Variants in PLCD1 observed in about 807,000 individuals in gnomAD.
PLCD1 encodes 1-phosphatidylinositol 4,5-bisphosphate phosphodiesterase delta-1.
Under a neutral mutation model 87.4 loss-of-function variants are expected in PLCD1, and 71 were observed. That is an observed-to-expected ratio of 0.81 (90% CI 0.67 to 0.99). PLCD1 has a LOEUF of 0.99. PLCD1 is among the 50% of genes least tolerant of loss of function. The pLI is 0.00. For missense variants in PLCD1, 867 were observed against 1,001.5 expected (o/e 0.87, Z 1.81); for synonymous variants, 348 against 399.2 (o/e 0.87, Z 1.53).
In PLCD1 at chr3:38,008,098, G is replaced by C; in HGVS notation, c.2101C>G (p.Arg701Gly). 6.2e-7 allele frequency: 1 copy of C among 1,614,106 alleles called. No individual in the cohort carries two copies. Among genetic ancestry groups the C allele is most frequent in the Non-Finnish European group, 8.5e-7 (1 of 1,180,006 alleles). ...EVVVPDLALI[R>G]FLVEDYDASS... Reference sequence around the variant, plus strand: ...GCATCATAATCTTCCACCAAGAAGCGGATGAGGGCAAGGTCAGGCACAACT... The same window carrying C: ...GCATCATAATCTTCCACCAAGAAGCCGATGAGGGCAAGGTCAGGCACAACT... The change falls in exon 14 of 15, where the codon CGC (arginine) becomes GGC (glycine). Residue 701 changes from arginine to glycine, a missense_variant. Arg to Gly is a moderately radical substitution (Grantham distance 125). Coordinates refer to ENST00000334661, the MANE Select transcript of PLCD1 (RefSeq NM_006225.4).
At position 38,008,033 on chromosome 3, in the gene PLCD1, G is replaced by A; in HGVS notation, c.2166C>T (p.Pro722=). The change falls in exon 14 of 15, where the codon CCC becomes CCT. Residue 722 remains proline (P), a synonymous_variant. Transcript: ENST00000334661. ...ACTCACCTTGCTTGAGGCTGTTCAA[G>A]GGGATGGTACTCTGGCCAATGAAGT... ...KNDFIGQSTI[P]LNSLKQGYRH... The A allele has an allele frequency of 6.2e-7, 1 of 1,614,224 alleles. No homozygotes were observed. Among genetic ancestry groups the A allele is most frequent in the South Asian group, 1.1e-5 (1 of 91,084 alleles).
At position 38,025,592 on chromosome 3, in the gene PLCD1, G is replaced by A. The variant is rs972524312; in HGVS notation, c.34+3914C>T. Among the ~76,000 whole-genome samples, 1 of 152,200 alleles carries A rather than the reference G, an allele frequency of 6.6e-6. No individual in the cohort carries two copies. Among genetic ancestry groups the A allele is most frequent in the Non-Finnish European group, 1.5e-5 (1 of 68,042 alleles). On this transcript the variant is annotated intron_variant, in intron 1 of 14. Transcript: ENST00000334661. The surrounding 1 kb of genome is among the most constrained non-coding windows in gnomAD (Gnocchi z 4.0). ...CCAAAGTGATAATCCCCAAGGTGAC[G>A]GATGCAAACGAAATTCTTGAAAAAA...
In PLCD1 at chr3:38,025,282, G is replaced by A. The variant is rs1380650309; in HGVS notation, c.34+4224C>T. Among the ~76,000 whole-genome samples, 3 of 152,236 alleles carry A rather than the reference G, an allele frequency of 2.0e-5. No homozygotes were observed. Among genetic ancestry groups the A allele is most frequent in the African/African-American group, 7.2e-5 (3 of 41,460 alleles). ...GCAGTGTGGGCGGGGTCTGACCAAG[G>A]AGCCGGAGCGGCGAATTCTAACGCC... On this transcript the variant is annotated intron_variant, in intron 1 of 14. Coordinates refer to ENST00000334661, the MANE Select transcript of PLCD1 (RefSeq NM_006225.4). The surrounding 1 kb of genome is among the most constrained non-coding windows in gnomAD (Gnocchi z 4.0).
At chr3:38,022,520 A>T (rs759539899) in intron 1 of PLCD1, among the ~76,000 whole-genome samples, 2 of 152,234 alleles carry the variant, frequency 1.3e-5, no homozygotes, top group Non-Finnish European at 2.9e-5. Flanking sequence ...GCTGGGAGCC[A>T]GGAAGTAGAA....
chr3:38,024,506 A>C (rs780971337), intron 1 of PLCD1: 1 of 1,546,054 alleles, frequency 6.5e-7, no homozygotes, highest in East Asian at 2.4e-5. Context: ...TTATGCTCAC[A>C]ACACCCTCTG....
chr3:38,016,242 C>T (rs1442650776), intron 3 of PLCD1, among the ~76,000 whole-genome samples: 1 of 152,208 alleles, frequency 6.6e-6, no homozygotes, highest in Admixed American at 6.5e-5. Flanking sequence ...TGTGAGGACA[C>T]AGCAAGAAGA....
rs72865506 is a variant in PLCD1 at position 38,017,866 on chromosome 3, G to C, written c.200-1147C>G. ...GACACATGAGCCCAGGGCCATGTGG[G>C]GGACAGAGGATAGCACGGCTTAATC... On this transcript the variant is annotated intron_variant, in intron 2 of 14. Transcript: ENST00000334661. The surrounding 1 kb of genome is among the most constrained non-coding windows in gnomAD (Gnocchi z 4.7). 6.6e-6 allele frequency among the ~76,000 whole-genome samples: 1 copy of C among 152,158 alleles called. No individual in the cohort carries two copies. Among genetic ancestry groups the C allele is most frequent in the South Asian group, 2.1e-4 (1 of 4,836 alleles).
Position 38,007,762 on chromosome 3 carries a change from CT to C in PLCD1, c.*10del, listed in dbSNP as rs778208750. 4.3e-6 allele frequency: 7 copies of C among 1,610,056 alleles called. No individual in the cohort carries two copies. Among genetic ancestry groups the C allele is most frequent in the Non-Finnish European group, 5.9e-6 (7 of 1,176,594 alleles). ...GCCCACTCAGGGGGGACCCCACTGGCTTCCTCCAGCCTAGTCCTGGAGGGAG... is the reference window on the plus strand; with the variant it reads ...GCCCACTCAGGGGGGACCCCACTGGCTCCTCCAGCCTAGTCCTGGAGGGAG... On this transcript the variant is annotated 3_prime_UTR_variant, in exon 15 of 15. Coordinates refer to ENST00000334661, the MANE Select transcript of PLCD1 (RefSeq NM_006225.4).
In PLCD1 at chr3:38,017,346, C is replaced by T. The variant is rs146617953; in HGVS notation, c.200-627G>A. 8.5e-5 allele frequency among the ~76,000 whole-genome samples: 13 copies of T among 152,258 alleles called. No homozygotes were observed. The East Asian group carries it at 2.5e-3, about 29-fold the overall frequency. On this transcript the variant is annotated intron_variant, in intron 2 of 14. Coordinates refer to ENST00000334661, the MANE Select transcript of PLCD1 (RefSeq NM_006225.4). This position sits in a 1 kb window ranked among gnomAD's most constrained non-coding sequence, Gnocchi z 4.7. ...CCCTGCATGGGAGAGGAGACAGGGTCGTGCCCTGTGTGCAGCTGTGTGTGT... is the reference window on the plus strand; with the variant it reads ...CCCTGCATGGGAGAGGAGACAGGGTTGTGCCCTGTGTGCAGCTGTGTGTGT...
chr3:38,008,230 C>T lies in PLCD1; in HGVS notation c.2035+5G>A, dbSNP rs1331678676. On this transcript the variant is annotated splice_donor_5th_base_variant and intron_variant, in intron 13 of 14. Coordinates refer to ENST00000334661, the MANE Select transcript of PLCD1 (RefSeq NM_006225.4). ...CTAGTAGCCCAGCCCAGGCCCAGCA[C>T]CTACCATTGTTGGTGATGACAGCAG... is the stretch of plus-strand genomic sequence containing the variant. 6.2e-7 allele frequency: 1 copy of T among 1,614,086 alleles called. No individual in the cohort carries two copies. The highest frequency in any genetic ancestry group is 2.2e-5 in the East Asian group (1 of 44,886).
chr3:38,009,079 G>T lies in PLCD1; in HGVS notation c.1686C>A (p.Tyr562Ter). The T allele has an allele frequency of 6.2e-7, 1 of 1,613,784 alleles. No individual in the cohort carries two copies. Reference sequence around the variant, plus strand: ...CCCCATTCCACATCTCCACGGGGCTGTAGTTGGAGGAGTCTGTTCTCCATC... The same window carrying T: ...CCCCATTCCACATCTCCACGGGGCTTTAGTTGGAGGAGTCTGTTCTCCATC... ...PAGWRTDSSN[Y>*]SPVEMWNGGC... Residue 562 changes from tyrosine to a stop codon, truncating the protein, a stop_gained, in exon 11 of 15, where the codon TAC (tyrosine) becomes TAA (stop). Transcript: ENST00000334661. LOFTEE classifies it high-confidence loss of function.
intron 3 of PLCD1, 67 bp from the exon 4 acceptor site, chr3:38,011,740 G>C: frequency 6.5e-7 from 1 of 1,542,288 alleles, no homozygotes; most frequent in Non-Finnish European, 9.0e-7. Flanking sequence ...CAGAGCCATG[G>C]ATGGCTCCAG....
At chr3:38,007,922 G>T (rs990695632) in intron 14 of PLCD1, 64 bp from the exon 15 acceptor site, 70 of 1,604,048 alleles carry the variant, frequency 4.4e-5, no homozygotes, top group Non-Finnish European at 5.9e-5. Context: ...GCGGAGGGGG[G>T]GTGGATGCGT....
At chr3:38,023,304 C>T (rs188272915) in intron 1 of PLCD1, among the ~76,000 whole-genome samples, 2 of 152,284 alleles carry the variant, frequency 1.3e-5, no homozygotes, top group Non-Finnish European at 2.9e-5. Flanking sequence ...GACACACTGC[C>T]CCCCAAAATT....
At position 38,009,047 on chromosome 3, in the gene PLCD1, T is replaced by C; in HGVS notation, c.1718A>G (p.Gln573Arg). ...SPVEMWNGGC[Q>R]IVALNFQTPG... ...CAGCCCCAGCCAGCCCATACCGATC[T>C]GGCAGCCCCCATTCCACATCTCCAC... The change falls in exon 11 of 15, where the codon CAG (glutamine) becomes CGG (arginine). Residue 573 changes from glutamine to arginine, a missense_variant. By Grantham distance (43) the Gln-to-Arg change is conservative (BLOSUM62 1). Coordinates refer to ENST00000334661, the MANE Select transcript of PLCD1 (RefSeq NM_006225.4). The C allele has an allele frequency of 1.9e-6, 3 of 1,611,478 alleles. No homozygotes were observed. Among genetic ancestry groups the C allele is most frequent in the Non-Finnish European group, 2.5e-6 (3 of 1,178,560 alleles).
At chr3:38,011,106 C>T in intron 5 of PLCD1, 108 bp downstream of exon 5, 2 of 856,236 alleles carry the variant, frequency 2.3e-6, no homozygotes, top group Non-Finnish European at 3.6e-6. Flanking sequence ...CTGGCTGAGG[C>T]AGCCCCTTCC....
rs1319026777 is a variant in PLCD1 at position 38,007,507 on chromosome 3, G to A, written c.*266C>T. The A allele has an allele frequency of 3.0e-5, 19 of 635,372 alleles. No individual in the cohort carries two copies. The highest frequency in any genetic ancestry group is 3.0e-4 in the Admixed American group (14 of 47,028). 39.4% of individuals were successfully genotyped at this position (635,372 alleles called of 1,614,324 possible). On this transcript the variant is annotated 3_prime_UTR_variant, in exon 15 of 15. Transcript: ENST00000334661. ...AGAGACCACAAGGCTTAATCTTATC[G>A]TGATTTTTATAAAAATCCTTGACCA...
Position 38,009,896 on chromosome 3 carries a change from C to T in PLCD1, c.1287+8G>A. 1.9e-6 allele frequency: 3 copies of T among 1,600,228 alleles called. No homozygotes were observed. Among genetic ancestry groups the T allele is most frequent in the Admixed American group, 1.7e-5 (1 of 58,152 alleles). On this transcript the variant is annotated splice_region_variant and intron_variant, in intron 8 of 14. Transcript: ENST00000334661. ...CTCCCCCAGGGATCCCCCATCCCCA[C>T]CACACACCTCAGGGGAGGGCAGGCT...
Position 38,016,097 on chromosome 3 carries a change from C to T in PLCD1, c.428+394G>A, listed in dbSNP as rs529620350. The stretch of plus-strand genomic sequence containing the variant: ...TATATGTTGAAGCCCTAATGCCCAA[C>T]GTGATGATATTTGGAGATAAGGCCT... On this transcript the variant is annotated intron_variant, in intron 3 of 14. Coordinates refer to ENST00000334661, the MANE Select transcript of PLCD1 (RefSeq NM_006225.4). Among the ~76,000 whole-genome samples, 6 of 152,250 alleles carry T rather than the reference C, an allele frequency of 3.9e-5. No individual in the cohort carries two copies. In the South Asian group the frequency reaches 8.3e-4, roughly 21 times the overall value.
Sources: allele counts gnomAD v4.1 joint callset (sites outside exome capture counted in the v4.1 genomes callset), GRCh38; gene constraint gnomAD v4.1.1; non-coding constraint Gnocchi (gnomAD v3.1); transcripts MANE v1.5; gene names NCBI Gene and HGNC (gene_info 2026-07-23, HGNC 2026-07-21).